Variants in CHD9 observed in about 807,000 individuals in gnomAD.
The protein encoded by CHD9 is chromodomain helicase DNA binding protein 9.
A neutral mutation model predicts 316.1 loss-of-function variants in CHD9; 77 were observed. That is an observed-to-expected ratio of 0.24 (90% CI 0.20 to 0.29). The LOEUF is 0.29. Among genes scored for constraint, CHD9 ranks in the 10% least tolerant of loss-of-function variants. CHD9 has a pLI of 1.00. For missense variants in CHD9, 2,763 were observed against 3,438.1 expected, an observed-to-expected ratio of 0.80 and a Z score of 4.91; for synonymous variants, 1,129 against 1,158.3, an observed-to-expected ratio of 0.97 and a Z score of 0.51.
At chr16:53,062,762 G>A (rs2033053174) in intron 1 of CHD9, among the ~76,000 whole-genome samples, 1 of 152,200 alleles carries the variant, frequency 6.6e-6, no homozygotes, top group Non-Finnish European at 1.5e-5. Context: ...CGGGTGCGAT[G>A]GCTCACGCCT....
intron 2 of CHD9, among the ~76,000 whole-genome samples, chr16:53,187,463 A>G (rs1189067900): frequency 2.0e-5 from 3 of 152,158 alleles, no homozygotes; most frequent in Admixed American, 1.3e-4. Context: ...CTATGATCAC[A>G]CCACTCACTG....
intron 22 of CHD9, among the ~76,000 whole-genome samples, chr16:53,270,124 A>C (rs1253237697): frequency 6.8e-6 from 1 of 147,626 alleles, no homozygotes; most frequent in South Asian, 2.1e-4. Flanking sequence ...CCTCCCCTAT[A>C]GCTGGGAGTA....
At chr16:53,246,456 T>C (rs1236983000) in intron 15 of CHD9, among the ~76,000 whole-genome samples, 1 of 152,178 alleles carries the variant, frequency 6.6e-6, no homozygotes, top group Admixed American at 6.5e-5. Flanking sequence ...ACCTGTAACA[T>C]GGCTTTCATT....
At chr16:53,319,686 T>A (rs541708937) in intron 37 of CHD9, 1 of 317,860 alleles carries the variant, frequency 3.1e-6, no homozygotes, top group African/African-American at 2.2e-5. Flanking sequence ...ACAATTTGAA[T>A]TTTTACCTGT....
chr16:53,139,352 T>C (rs181518112), intron 1 of CHD9, among the ~76,000 whole-genome samples: 26 of 152,306 alleles, frequency 1.7e-4, no homozygotes. Context: ...GGGTATAAAT[T>C]AATATTAACC....
chr16:53,296,778 G>T (rs1312718991), intron 29 of CHD9, among the ~76,000 whole-genome samples, 178 bp from the exon 30 acceptor site: 2 of 152,134 alleles, frequency 1.3e-5, no homozygotes, highest in Non-Finnish European at 2.9e-5. Flanking sequence ...AAAAAGTATG[G>T]TTGGATAGAT....
intron 1 of CHD9, among the ~76,000 whole-genome samples, chr16:53,097,317 A>C (rs893672557): frequency 1.3e-5 from 2 of 152,034 alleles, no homozygotes; most frequent in Non-Finnish European, 2.9e-5. Context: ...TGAAATGCCA[A>C]TTCCTCCTTT....
At chr16:53,185,311 G>T (rs923255836) in intron 2 of CHD9, among the ~76,000 whole-genome samples, 5 of 152,218 alleles carry the variant, frequency 3.3e-5, no homozygotes, top group Non-Finnish European at 7.3e-5. Flanking sequence ...GAGATGGGCA[G>T]ATTGTTGGGA....
chr16:53,301,133 T>C (rs1188569633), intron 30 of CHD9, among the ~76,000 whole-genome samples: 1 of 152,198 alleles, frequency 6.6e-6, no homozygotes, highest in Non-Finnish European at 1.5e-5. Context: ...TTCATATTAA[T>C]AGAATATAAA....
chr16:53,159,299 GA>G (rs2041746468), intron 2 of CHD9, among the ~76,000 whole-genome samples: 1 of 151,874 alleles, frequency 6.6e-6, no homozygotes, highest in African/African-American at 2.4e-5. Context: ...ATTTGTATAT[GA>G]AAAAAATACC....
chr16:53,283,086 T>G lies in CHD9; in HGVS notation c.4968-2510T>G, dbSNP rs151139386. ...TTCTCTCCAGGCCTTTGCATTATTG[T>G]TGGAACATTCTTTCCTCCTTTTTTC... On this transcript the variant is annotated intron_variant, in intron 24 of 38. Transcript: ENST00000447540. 7.4e-4 allele frequency among the ~76,000 whole-genome samples: 113 copies of G among 152,314 alleles called. 1 individual carries two copies. Among genetic ancestry groups the G allele is most frequent in the African/African-American group, 2.6e-3 (109 of 41,574 alleles).
chr16:53,148,128 A>C (rs2040785638), intron 1 of CHD9, among the ~76,000 whole-genome samples: 1 of 152,150 alleles, frequency 6.6e-6, no homozygotes, highest in Non-Finnish European at 1.5e-5. Flanking sequence ...AATCGTTTGA[A>C]TCCAGGAGGC....
At position 53,304,378 on chromosome 16, in the gene CHD9, C is replaced by G; in HGVS notation, c.6372C>G (p.His2124Gln). The G allele has an allele frequency of 1.2e-6, 2 of 1,613,282 alleles. No individual in the cohort carries two copies. The highest frequency in any genetic ancestry group is 1.7e-6 in the Non-Finnish European group (2 of 1,179,700). ...CAGCTTCTAAGAAACCAAGAGTCCA[C>G]AAAAGGGGATCAGAATCTAGTTCTG... The part of the protein sequence containing the change: ...PNPASKKPRV[H>Q]KRGSESSSDS... The change falls in exon 31 of 39, where the codon CAC (histidine) becomes CAG (glutamine). Residue 2124 changes from histidine (H) to glutamine (Q), a missense_variant. His to Gln is a conservative substitution (Grantham distance 24). Around this residue, in one of 15 missense-constraint regions of CHD9, gnomAD observed 663 missense variants for 751.2 expected, o/e 0.88. Transcript: ENST00000447540.
chr16:53,172,523 T>C (rs1232657208), intron 2 of CHD9, among the ~76,000 whole-genome samples: 2 of 152,196 alleles, frequency 1.3e-5, no homozygotes, highest in African/African-American at 2.4e-5. Flanking sequence ...TTTATTTCCA[T>C]TGGGTAAATA....
chr16:53,224,836 A>G (rs922518413), intron 4 of CHD9, among the ~76,000 whole-genome samples: 29 of 152,208 alleles, frequency 1.9e-4, no homozygotes, highest in Non-Finnish European at 4.0e-4. Context: ...TTAGAAATCC[A>G]TAGAATTCCC....
chr16:53,185,846 G>T lies in CHD9; in HGVS notation c.1453-23636G>T, dbSNP rs1054811747. On this transcript the variant is annotated intron_variant, in intron 2 of 38. Coordinates refer to ENST00000447540, the MANE Select transcript of CHD9 (RefSeq NM_001308319.2). The stretch of plus-strand genomic sequence containing the variant: ...CAAACCTTGGCAGCTTTCACATGGT[G>T]TTGGGCCTGCAGATGTGCAGAAGTC... Among the ~76,000 whole-genome samples the T allele has an allele frequency of 2.0e-4, 30 of 152,364 alleles. No homozygotes were observed. The East Asian group carries it at 4.1e-3, about 21-fold the overall frequency.
intron 1 of CHD9, among the ~76,000 whole-genome samples, chr16:53,080,589 C>T (rs1433700552): frequency 3.3e-5 from 5 of 152,176 alleles, no homozygotes; most frequent in African/African-American, 7.2e-5. Context: ...ACAGTCTGTT[C>T]AGTTCTTGCT....
intron 1 of CHD9, among the ~76,000 whole-genome samples, chr16:53,145,052 A>G (rs1253798764): frequency 6.6e-6 from 1 of 152,098 alleles, no homozygotes; most frequent in Non-Finnish European, 1.5e-5. Flanking sequence ...TCAATTAAGC[A>G]AAGATACATT....
At chr16:53,251,549 T>C (rs1289794178) in intron 17 of CHD9, among the ~76,000 whole-genome samples, 1 of 152,172 alleles carries the variant, frequency 6.6e-6, no homozygotes, top group South Asian at 2.1e-4. Context: ...TGGATGTGGA[T>C]AGAATAAAAG....
Sources: allele counts gnomAD v4.1 joint callset (sites outside exome capture counted in the v4.1 genomes callset), GRCh38; gene constraint gnomAD v4.1.1; regional missense constraint gnomAD v4.1.1; transcripts MANE v1.5; gene names NCBI Gene and HGNC (gene_info 2026-07-23, HGNC 2026-07-21).